The following PDS5B variants were observed in gnomAD, a reference collection of about 807,000 sequenced individuals.
PDS5B encodes PDS5 cohesin associated factor B, also known as sister chromatid cohesion protein PDS5 homolog B.
PDS5B carries 51 observed loss-of-function variants against 184.1 expected under a neutral mutation model. That is an observed-to-expected ratio of 0.28 (90% CI 0.22 to 0.35). PDS5B has a LOEUF of 0.35. Among genes scored for constraint, PDS5B ranks in the 10% least tolerant of loss-of-function variants. The pLI is 1.00. For missense variants in PDS5B, 1,180 were observed against 1,723.3 expected (o/e 0.68, Z 5.58); for synonymous variants, 566 against 569.2 (o/e 0.99, Z 0.08).
chr13:32,728,624 C>A (rs1219688421), intron 19 of PDS5B, among the ~76,000 whole-genome samples: 2 of 152,126 alleles, frequency 1.3e-5, no homozygotes, highest in East Asian at 3.8e-4. Flanking sequence ...TCCCTCAACC[C>A]AGGCTCTATT....
intron 1 of PDS5B, among the ~76,000 whole-genome samples, chr13:32,591,535 A>G (rs1167091750): frequency 2.0e-5 from 3 of 152,188 alleles, no homozygotes; most frequent in Admixed American, 1.3e-4. Context: ...TTATTATAAC[A>G]TAATTTATTT....
chr13:32,672,096 T>C (rs545826132), intron 7 of PDS5B, among the ~76,000 whole-genome samples: 1 of 152,328 alleles, frequency 6.6e-6, no homozygotes, highest in Non-Finnish European at 1.5e-5. Flanking sequence ...TGTGTGCTTT[T>C]AATTGGATTT....
chr13:32,624,954 C>T (rs1383457196), intron 1 of PDS5B, among the ~76,000 whole-genome samples: 4 of 151,924 alleles, frequency 2.6e-5, no homozygotes, highest in African/African-American at 7.3e-5. Context: ...GGTTGGGTGT[C>T]GGTAGGTTCT....
chr13:32,597,500 C>T (rs1370287183), intron 1 of PDS5B, among the ~76,000 whole-genome samples: 3 of 151,234 alleles, frequency 2.0e-5, no homozygotes, highest in Admixed American at 2.0e-4. Flanking sequence ...CGAGTCCAGC[C>T]TGGGTAACAC....
At chr13:32,634,646 C>T (rs1593297771) in intron 1 of PDS5B, among the ~76,000 whole-genome samples, 2 of 149,354 alleles carry the variant, frequency 1.3e-5, no homozygotes, top group Non-Finnish European at 3.0e-5. Flanking sequence ...TGCAGTGGTG[C>T]GATCTCAGCT....
chr13:32,586,668 C>A (rs1044606483), intron 1 of PDS5B, 75 bp downstream of exon 1: 1 of 150,998 alleles, frequency 6.6e-6, no homozygotes, highest in African/African-American at 2.4e-5. Context: ...TCAGCGGCCG[C>A]CACTGCCGCT....
intron 18 of PDS5B, among the ~76,000 whole-genome samples, chr13:32,707,464 C>T (rs923213908): frequency 6.6e-6 from 1 of 151,608 alleles, no homozygotes; most frequent in Non-Finnish European, 1.5e-5. Context: ...CATACATAAA[C>T]ATTAGTTTCT....
At chr13:32,621,281 T>C (rs2140536085) in intron 1 of PDS5B, among the ~76,000 whole-genome samples, 1 of 152,238 alleles carries the variant, frequency 6.6e-6, no homozygotes, top group Non-Finnish European at 1.5e-5. Context: ...CTGGGCAATA[T>C]GGCAAAATTT....
chr13:32,698,529 T>C (rs986411317), intron 15 of PDS5B, among the ~76,000 whole-genome samples: 4 of 152,192 alleles, frequency 2.6e-5, no homozygotes, highest in Admixed American at 2.0e-4. Context: ...TGGTTCTCTT[T>C]CCTTGCAGAT....
At chr13:32,746,194 T>TGGA in intron 24 of PDS5B, 94 bp downstream of exon 24, 1 of 1,056,332 alleles carries the variant, frequency 9.5e-7, no homozygotes, top group Non-Finnish European at 1.4e-6. Flanking sequence ...AAATCTTGAA[T>TGGA]GTGTATGGTT....
Position 32,614,920 on chromosome 13 carries a change from G to A in PDS5B, c.-20+28327G>A, listed in dbSNP as rs76327958. 6.3e-3 allele frequency among the ~76,000 whole-genome samples: 959 copies of A among 152,272 alleles called. 7 individuals carry two copies. The highest frequency in any genetic ancestry group is 0.022 in the African/African-American group (918 of 41,542). On this transcript the variant is annotated intron_variant, in intron 1 of 34. Coordinates refer to ENST00000315596, the MANE Select transcript of PDS5B (RefSeq NM_015032.4). Reference sequence around the variant, plus strand: ...TTATTATTTAAAGTTCTCCAGTAGAGATTGATTGAGCTTAGTTGAGTTTGT... The same window carrying A: ...TTATTATTTAAAGTTCTCCAGTAGAAATTGATTGAGCTTAGTTGAGTTTGT...
At chr13:32,762,833 G>A (rs1400780252) in intron 30 of PDS5B, among the ~76,000 whole-genome samples, 1 of 151,790 alleles carries the variant, frequency 6.6e-6, no homozygotes, top group Non-Finnish European at 1.5e-5. Context: ...TGTGTATATT[G>A]TATCACTGCT....
chr13:32,758,602 A>G lies in PDS5B; in HGVS notation c.3258A>G (p.Glu1086=), dbSNP rs1041366179. The G allele has an allele frequency of 1.1e-5, 18 of 1,613,290 alleles. No individual in the cohort carries two copies. The highest frequency in any genetic ancestry group is 1.5e-5 in the Non-Finnish European group (18 of 1,179,286). Residue 1086 remains glutamate, a synonymous_variant, in exon 28 of 35, where the codon GAA becomes GAG. Transcript: ENST00000315596. ...CAAAGAGTACTACATACAGTTTGGA[A>G]TCTCCTAAAGACCCGGTACTACCAG... ...IMSKSTTYSL[E]SPKDPVLPAR...
rs1304116135 is a variant in PDS5B, at chr13:32,777,025, G to A, written c.*1973G>A. ...CAAACACATAATTTCTGTTTCAGCA[G>A]TACAAAGGCATGTTTTAAAATCTAT... On this transcript the variant is annotated 3_prime_UTR_variant, in exon 35 of 35. Coordinates refer to ENST00000315596, the MANE Select transcript of PDS5B (RefSeq NM_015032.4). 2 of 152,254 alleles carry A rather than the reference G, an allele frequency of 1.3e-5. No individual in the cohort carries two copies. Among genetic ancestry groups the A allele is most frequent in the Non-Finnish European group, 1.5e-5 (1 of 67,896 alleles). The allele number at this position is 152,254 out of a possible 1,614,324, so 9.4% of individuals were successfully genotyped here.
chr13:32,690,987 C>T (rs1316631296), intron 13 of PDS5B: 1 of 151,790 alleles, frequency 6.6e-6, no homozygotes, highest in Non-Finnish European at 1.5e-5. Flanking sequence ...TGGTTGTTTT[C>T]TCCAAAATCC....
chr13:32,589,067 A>C (rs1003695055), intron 1 of PDS5B, among the ~76,000 whole-genome samples: 11 of 152,216 alleles, frequency 7.2e-5, no homozygotes, highest in Admixed American at 7.2e-4. Flanking sequence ...GACTGTATAT[A>C]ACGTATATTG....
intron 21 of PDS5B, among the ~76,000 whole-genome samples, chr13:32,740,600 C>T (rs1486148138): frequency 6.6e-6 from 1 of 152,124 alleles, no homozygotes; most frequent in African/African-American, 2.4e-5. Context: ...ACTGTAAACA[C>T]CTACCTGCTA....
chr13:32,635,198 T>A (rs1329992126), intron 1 of PDS5B, among the ~76,000 whole-genome samples: 1 of 55,976 alleles, frequency 1.8e-5, no homozygotes, highest in African/African-American at 1.0e-4. Context: ...TTTTTTTTTT[T>A]TTTTTTTTTT....
chr13:32,755,205 T>C (rs1954131634), intron 25 of PDS5B, among the ~76,000 whole-genome samples: 1 of 152,224 alleles, frequency 6.6e-6, no homozygotes, highest in Non-Finnish European at 1.5e-5. Context: ...CCAGTCTATG[T>C]GTACCCCTTA....
Sources: allele counts gnomAD v4.1 joint callset (sites outside exome capture counted in the v4.1 genomes callset), GRCh38; gene constraint gnomAD v4.1.1; transcripts MANE v1.5; gene names NCBI Gene and HGNC (gene_info 2026-07-23, HGNC 2026-07-21).